Variants in FYB2 observed in about 807,000 individuals in gnomAD.
The protein encoded by FYB2 is FYN-binding protein 2.
Under a neutral mutation model 94.1 loss-of-function variants are expected in FYB2, and 103 were observed. The ratio of observed to expected loss-of-function variants is 1.09; its 90% confidence interval spans 0.93 to 1.29. The LOEUF is 1.29. Among genes scored for constraint, FYB2 ranks in the 50% most tolerant of loss-of-function variants. FYB2 has a pLI of 0.00. For synonymous variants in FYB2, 293 were observed against 287.9 expected (o/e 1.02, Z -0.18); for missense variants, 896 against 841.5 (o/e 1.06, Z -0.80).
chr1:56,788,852 T>TAA (rs1570155750), intron 3 of FYB2, 121 bp downstream of exon 3: 2 of 1,361,768 alleles, frequency 1.5e-6, no homozygotes, highest in Non-Finnish European at 2.1e-6. Flanking sequence ...TAGATGAGAA[T>TAA]AAGCAGTGAT....
intron 5 of FYB2, 46 bp from the exon 6 acceptor site, chr1:56,758,796 A>T: frequency 7.0e-7 from 1 of 1,424,448 alleles, no homozygotes; most frequent in Non-Finnish European, 9.7e-7. Context: ...TGATCCACCC[A>T]TTTCTTATAG....
intron 9 of FYB2, among the ~76,000 whole-genome samples, chr1:56,746,658 A>G (rs1259225577): frequency 6.6e-6 from 1 of 151,926 alleles, no homozygotes; most frequent in Non-Finnish European, 1.5e-5. Context: ...ACTTTATTCT[A>G]TTGTGTGAAT....
chr1:56,808,595 A>T (rs558575217), intron 1 of FYB2, among the ~76,000 whole-genome samples: 2 of 152,244 alleles, frequency 1.3e-5, no homozygotes, highest in South Asian at 2.1e-4. Flanking sequence ...TCACCTTGGG[A>T]GGTTGCCAGC....
intron 4 of FYB2, among the ~76,000 whole-genome samples, chr1:56,776,799 TACAA>T (rs761288883): frequency 1.3e-5 from 2 of 152,144 alleles, no homozygotes; most frequent in Admixed American, 6.5e-5. Flanking sequence ...ACACTGCTAT[TACAA>T]ACAAACAACA....
intron 1 of FYB2, among the ~76,000 whole-genome samples, chr1:56,797,622 C>T (rs1263002411): frequency 2.6e-5 from 4 of 152,166 alleles, no homozygotes; most frequent in Non-Finnish European, 2.9e-5. Context: ...TGGGGAGCAG[C>T]TGTGGCAGAG....
intron 1 of FYB2, among the ~76,000 whole-genome samples, chr1:56,809,959 A>G (rs1259636216): frequency 6.6e-6 from 1 of 152,166 alleles, no homozygotes; most frequent in African/African-American, 2.4e-5. Context: ...CCTGACACAA[A>G]GCAAACCCAC....
intron 2 of FYB2, 115 bp downstream of exon 2, chr1:56,791,941 C>T: frequency 7.1e-7 from 1 of 1,407,916 alleles, no homozygotes; most frequent in Non-Finnish European, 9.4e-7. Flanking sequence ...CGTGGAGAGT[C>T]TGGAGCCACA....
chr1:56,778,259 C>A (rs531621110), intron 4 of FYB2, among the ~76,000 whole-genome samples: 1 of 152,288 alleles, frequency 6.6e-6, no homozygotes, highest in South Asian at 2.1e-4. Context: ...TCCTTCCCAC[C>A]TATTTCTGTA....
chr1:56,733,289 T>G (rs915570635), intron 15 of FYB2, among the ~76,000 whole-genome samples: 3 of 151,918 alleles, frequency 2.0e-5, no homozygotes, highest in Admixed American at 6.6e-5. Flanking sequence ...CCCTTTATCA[T>G]TTTTTATTGC....
intron 6 of FYB2, among the ~76,000 whole-genome samples, chr1:56,756,664 A>G (rs1645339396): frequency 6.6e-6 from 1 of 152,152 alleles, no homozygotes; most frequent in Non-Finnish European, 1.5e-5. Flanking sequence ...GACAAGTCAG[A>G]CAGACCTTGT....
intron 13 of FYB2, among the ~76,000 whole-genome samples, chr1:56,740,201 A>G (rs953585563): frequency 3.3e-5 from 5 of 152,042 alleles, no homozygotes; most frequent in Non-Finnish European, 5.9e-5. Flanking sequence ...ATCTCAGAGG[A>G]TCTTTTCCAG....
chr1:56,823,321 T>A (rs968489944), upstream of FYB2, among the ~76,000 whole-genome samples: 1 of 149,910 alleles, frequency 6.7e-6, no homozygotes, highest in Non-Finnish European at 1.5e-5. Context: ...GTAAAAAGGA[T>A]GATATGAAAT....
chr1:56,738,424 G>A (rs79541345), intron 14 of FYB2, among the ~76,000 whole-genome samples: 1 of 152,052 alleles, frequency 6.6e-6, no homozygotes, highest in African/African-American at 2.4e-5. Flanking sequence ...CCAGGGCATG[G>A]TATGTAGTAG....
chr1:56,725,291 A>G (rs542467905), intron 16 of FYB2, among the ~76,000 whole-genome samples: 1 of 152,070 alleles, frequency 6.6e-6, no homozygotes, highest in African/African-American at 2.4e-5. Context: ...AAGAATAATA[A>G]AAGGGTTGAA....
At chr1:56,819,649 G>A, upstream of FYB2, 1 of 429,350 alleles carries the variant, frequency 2.3e-6, no homozygotes, top group Admixed American at 3.7e-5. Flanking sequence ...TTTGTGCCCA[G>A]GCAGCAGGAG....
At chr1:56,769,236 C>T (rs924141032) in intron 4 of FYB2, among the ~76,000 whole-genome samples, 2 of 151,992 alleles carry the variant, frequency 1.3e-5, no homozygotes, top group African/African-American at 4.8e-5. Flanking sequence ...AAGGAAGCCT[C>T]GCCATATTGC....
intron 1 of FYB2, among the ~76,000 whole-genome samples, chr1:56,801,820 G>T (rs1156774803): frequency 6.6e-6 from 1 of 152,102 alleles, no homozygotes; most frequent in Non-Finnish European, 1.5e-5. Flanking sequence ...CTTAATTCTT[G>T]CCTATCTCCC....
intron 17 of FYB2, among the ~76,000 whole-genome samples, chr1:56,721,272 C>T (rs1644480002): frequency 6.6e-6 from 1 of 151,996 alleles, no homozygotes; most frequent in South Asian, 2.1e-4. Context: ...CCTACTTCTC[C>T]AAATTAGTGT....
intron 5 of FYB2, among the ~76,000 whole-genome samples, chr1:56,759,855 G>A (rs559535541): frequency 1.8e-4 from 27 of 152,216 alleles, no homozygotes; most frequent in African/African-American, 6.0e-4. Context: ...GGCCAAGGCA[G>A]GTGGATCACA....
Sources: gnomAD v4.1 joint callset for allele counts (sites outside exome capture counted in the v4.1 genomes callset) on GRCh38, gnomAD v4.1.1 for gene constraint, MANE v1.5 for transcripts, NCBI Gene and HGNC (gene_info 2026-07-23, HGNC 2026-07-21) for gene names.